The following PCNT variants were observed in gnomAD, a reference collection of about 807,000 sequenced individuals.
PCNT encodes the protein kendrin.
PCNT carries 319 observed loss-of-function variants against 380.4 expected under a neutral mutation model. That is an observed-to-expected ratio of 0.84 (90% CI 0.77 to 0.92). PCNT has a LOEUF of 0.92. Among genes scored for constraint, PCNT ranks in the 40% least tolerant of loss-of-function variants. PCNT has a pLI of 0.00. For missense variants in PCNT, 4,400 were observed against 4,255.3 expected, an observed-to-expected ratio of 1.03 and a Z score of -0.95; for synonymous variants, 1,845 against 1,735.2, an observed-to-expected ratio of 1.06 and a Z score of -1.57.
At chr21:46,433,511 C>G (rs1691102896) in intron 38 of PCNT, among the ~76,000 whole-genome samples, 1 of 152,086 alleles carries the variant, frequency 6.6e-6, no homozygotes, top group Non-Finnish European at 1.5e-5. Flanking sequence ...ACACAGGACC[C>G]CAGCTGAGGG....
chr21:46,390,556 C>T (rs543814132), intron 19 of PCNT, 114 bp from the exon 20 acceptor site: 1 of 1,131,920 alleles, frequency 8.8e-7, no homozygotes, highest in African/African-American at 1.5e-5. Flanking sequence ...CCTGGCCCTG[C>T]CTGGGTGGTG....
In PCNT at chr21:46,418,277, T is replaced by C; in HGVS notation, c.6995T>C (p.Leu2332Ser). 1 of 1,604,852 alleles carries C rather than the reference T, an allele frequency of 6.2e-7. No individual in the cohort carries two copies. The highest frequency in any genetic ancestry group is 8.5e-7 in the Non-Finnish European group (1 of 1,171,536). The change falls in exon 31 of 47, where the codon TTA (leucine) becomes TCA (serine). Residue 2332 changes from leucine (L) to serine (S), a missense_variant. Transcript: ENST00000359568. ...QETLSSPPPG[L>S]EGKADRSEKS... ...ACATTAAGTTCACCTCCTCCTGGAT[T>C]AGAAGGAAAAGCTGATAGAAGTGAG...
At chr21:46,408,353 C>T (rs1049191937) in intron 27 of PCNT, among the ~76,000 whole-genome samples, 3 of 152,230 alleles carry the variant, frequency 2.0e-5, no homozygotes, top group African/African-American at 7.2e-5. Context: ...ATCGAGCCAC[C>T]ATAAACTTTC....
At chr21:46,442,094 G>A (rs1178912377) in intron 43 of PCNT, among the ~76,000 whole-genome samples, 1 of 152,190 alleles carries the variant, frequency 6.6e-6, no homozygotes, top group Non-Finnish European at 1.5e-5. Context: ...CCTGTCCAGT[G>A]GCATCTGTGA....
chr21:46,343,918 A>G (rs754615151), intron 3 of PCNT, among the ~76,000 whole-genome samples: 2 of 152,118 alleles, frequency 1.3e-5, no homozygotes, highest in Non-Finnish European at 2.9e-5. Context: ...AGGTGTTCAT[A>G]GTGGCCTTGA....
chr21:46,347,230 G>A (rs559483659), intron 5 of PCNT, among the ~76,000 whole-genome samples: 7 of 152,304 alleles, frequency 4.6e-5, no homozygotes, highest in Middle Eastern at 3.4e-3. Flanking sequence ...TGATAGGTGC[G>A]ACCCAGGGCT....
chr21:46,409,417 A>G (rs906989644), intron 27 of PCNT, among the ~76,000 whole-genome samples: 4 of 152,052 alleles, frequency 2.6e-5, no homozygotes, highest in Non-Finnish European at 5.9e-5. Context: ...TCGAACGCCT[A>G]ACTCAGAAGA....
chr21:46,326,508 A>G lies in PCNT; in HGVS notation c.186A>G (p.Ala62=). 3 of 1,614,132 alleles carry G rather than the reference A, an allele frequency of 1.9e-6. No individual in the cohort carries two copies. In the East Asian group the frequency reaches 6.7e-5, roughly 36 times the overall value. Residue 62 remains alanine, a synonymous_variant, in exon 2 of 47, where the codon GCA becomes GCG. Transcript: ENST00000359568. ...EESPVTKEDS[A]LCGGGDICKS... ...GTCCGGTAACCAAGGAGGACAGCGCACTCTGTGGAGGAGGGGACATTTGCA... is the reference window on the plus strand; with the variant it reads ...GTCCGGTAACCAAGGAGGACAGCGCGCTCTGTGGAGGAGGGGACATTTGCA...
At chr21:46,415,231 A>C (rs895705766) in intron 29 of PCNT, among the ~76,000 whole-genome samples, 5 of 152,198 alleles carry the variant, frequency 3.3e-5, no homozygotes, top group African/African-American at 1.2e-4. Flanking sequence ...CTAGGCCCGC[A>C]GTTCTGAGGA....
chr21:46,377,135 G>A (rs903569140), intron 15 of PCNT, among the ~76,000 whole-genome samples: 1 of 152,216 alleles, frequency 6.6e-6, no homozygotes, highest in Non-Finnish European at 1.5e-5. Flanking sequence ...GGGCTTCCAT[G>A]TGTTTATTGA....
At chr21:46,370,486 G>A (rs1407383519) in intron 15 of PCNT, among the ~76,000 whole-genome samples, 7 of 152,120 alleles carry the variant, frequency 4.6e-5, no homozygotes, top group African/African-American at 1.4e-4. Context: ...GATGGCATAG[G>A]GAGGGGCATG....
intron 15 of PCNT, among the ~76,000 whole-genome samples, chr21:46,374,948 TC>T (rs2085288042): frequency 1.3e-5 from 2 of 152,002 alleles, no homozygotes; most frequent in African/African-American, 4.8e-5. Context: ...GTCCTGTTCT[TC>T]CCCGCGGCGA....
chr21:46,340,418 G>A (rs918614067), intron 3 of PCNT, among the ~76,000 whole-genome samples: 14 of 152,116 alleles, frequency 9.2e-5, no homozygotes, highest in African/African-American at 2.9e-4. Context: ...AGGCTGGATC[G>A]TTTTATCTGT....
chr21:46,373,420 A>G (rs2085219367), intron 15 of PCNT, among the ~76,000 whole-genome samples: 3 of 147,080 alleles, frequency 2.0e-5, no homozygotes, highest in South Asian at 4.2e-4. Context: ...AGGGATGTGC[A>G]TGTCAATACT....
rs370466224 is a variant in PCNT at position 46,328,308 on chromosome 21, G to GC, written c.267+1720dup. ...AAGATACAGTCTCTCTGTTGCCCAGGCTGGAGCGCAGTGACGCGAACTCTG... is the reference window on the plus strand; with the variant it reads ...AAGATACAGTCTCTCTGTTGCCCAGGCCTGGAGCGCAGTGACGCGAACTCTG... On this transcript the variant is annotated intron_variant, in intron 2 of 46. Transcript: ENST00000359568. Among the ~76,000 whole-genome samples, 567 of 150,530 alleles carry GC rather than the reference G, an allele frequency of 3.8e-3. 3 individuals carry two copies. The highest frequency in any genetic ancestry group is 0.013 in the African/African-American group (534 of 41,038).
chr21:46,424,986 A>G (rs2087434028), intron 32 of PCNT, among the ~76,000 whole-genome samples: 1 of 152,042 alleles, frequency 6.6e-6, no homozygotes, highest in Non-Finnish European at 1.5e-5. Flanking sequence ...AGTCAGTCAC[A>G]CCCGTCGTAG....
At chr21:46,406,992 G>A (rs527501845) in intron 27 of PCNT, among the ~76,000 whole-genome samples, 1 of 152,180 alleles carries the variant, frequency 6.6e-6, no homozygotes, top group South Asian at 2.1e-4. Context: ...TTTTGCATCT[G>A]TGTTCATGAG....
intron 2 of PCNT, among the ~76,000 whole-genome samples, chr21:46,328,437 C>T (rs1167312416): frequency 6.6e-6 from 1 of 151,578 alleles, no homozygotes; most frequent in Non-Finnish European, 1.5e-5. Context: ...CAGAAAGTTA[C>T]TTTTGATATA....
At chr21:46,409,645 G>A (rs1321616284) in intron 27 of PCNT, among the ~76,000 whole-genome samples, 1 of 152,186 alleles carries the variant, frequency 6.6e-6, no homozygotes, top group East Asian at 1.9e-4. Context: ...TGTCGCCCAG[G>A]CTGCGGTGCA....
Sources: gnomAD v4.1 joint callset for allele counts (sites outside exome capture counted in the v4.1 genomes callset) on GRCh38, gnomAD v4.1.1 for gene constraint, MANE v1.5 for transcripts, NCBI Gene and HGNC (gene_info 2026-07-23, HGNC 2026-07-21) for gene names.